Variants in CLCN7 observed in about 807,000 individuals in gnomAD.
CLCN7 encodes the protein H(+)/Cl(-) exchange transporter 7.
A neutral mutation model predicts 102.1 loss-of-function variants in CLCN7; 60 were observed. That is an observed-to-expected ratio of 0.59 (90% CI 0.48 to 0.73). The LOEUF (loss-of-function observed/expected upper bound fraction) is 0.73. Among genes scored for constraint, CLCN7 ranks in the 30% least tolerant of loss-of-function variants. CLCN7 has a pLI of 0.00. For missense variants in CLCN7, 962 were observed against 1,125.7 expected (o/e 0.85, Z 2.08); for synonymous variants, 560 against 490.5 (o/e 1.14, Z -1.87).
chr16:1,474,011 G>A, intron 1 of CLCN7: 2 of 391,228 alleles, frequency 5.1e-6, no homozygotes, highest in Non-Finnish European at 5.1e-6. Context: ...TTAAACTCGG[G>A]AGGTGGGGGT....
intron 2 of CLCN7, among the ~76,000 whole-genome samples, chr16:1,463,206 G>C (rs776256525): frequency 3.3e-5 from 5 of 152,130 alleles, no homozygotes; most frequent in African/African-American, 1.2e-4. Context: ...ACTCAAAAGG[G>C]ATGAAAGACC....
intron 1 of CLCN7, chr16:1,466,926 A>C (rs1488968782): frequency 1.8e-5 from 1 of 54,210 alleles, no homozygotes. Context: ...TCTGTCTCAA[A>C]AAAAAAAAAA....
chr16:1,455,850 C>A, intron 10 of CLCN7, 55 bp from the exon 11 acceptor site: 1 of 1,570,176 alleles, frequency 6.4e-7, no homozygotes, highest in Non-Finnish European at 8.7e-7. Context: ...ACCATGCCCA[C>A]CACCAACTCC....
rs973860448 is a variant in CLCN7 at position 1,449,614 on chromosome 16, C to T, written c.1618-287G>A. The T allele has an allele frequency of 5.4e-5, 28 of 516,192 alleles. 1 individual carries two copies. The highest frequency in any genetic ancestry group is 2.9e-4 in the South Asian group (14 of 48,248). 32.0% of individuals were successfully genotyped at this position (516,192 alleles called of 1,614,324 possible). A position where few individuals can be genotyped will look rare whatever the true frequency, so the allele number is the denominator to read the frequency against. On this transcript the variant is annotated intron_variant, in intron 17 of 24. Transcript: ENST00000382745. ...GCAGCCCAGGCCAACTAGGGAGCACCGTCCAGCATGAGGAGTGAAACCCCG... is the reference window on the plus strand; with the variant it reads ...GCAGCCCAGGCCAACTAGGGAGCACTGTCCAGCATGAGGAGTGAAACCCCG...
At chr16:1,468,949 C>T (rs1034586843) in intron 1 of CLCN7, among the ~76,000 whole-genome samples, 14 of 151,242 alleles carry the variant, frequency 9.3e-5, no homozygotes, top group African/African-American at 3.4e-4. Context: ...CCAGCGCTTT[C>T]GGAGGCCAAG....
intron 11 of CLCN7, 45 bp from the exon 12 acceptor site, chr16:1,455,295 C>A (rs749183291): frequency 8.2e-7 from 1 of 1,223,798 alleles, no homozygotes; most frequent in East Asian, 2.3e-5. Flanking sequence ...GCCACGCTCC[C>A]AGCCCAGGGC....
chr16:1,465,449 A>C, intron 1 of CLCN7, 111 bp from the exon 2 acceptor site: 16 of 980,472 alleles, frequency 1.6e-5, no homozygotes, highest in South Asian at 2.8e-5. Context: ...CCGGGAGCTC[A>C]GGAATGGGCT....
intron 21 of CLCN7, among the ~76,000 whole-genome samples, chr16:1,448,041 T>A (rs964012470): frequency 6.6e-6 from 1 of 152,160 alleles, no homozygotes; most frequent in Non-Finnish European, 1.5e-5. Flanking sequence ...AGTGTCCACG[T>A]CTAAAAGACA....
intron 1 of CLCN7, among the ~76,000 whole-genome samples, chr16:1,468,833 G>A (rs986013974): frequency 8.5e-5 from 13 of 152,142 alleles, no homozygotes; most frequent in African/African-American, 7.2e-5. Flanking sequence ...GGGGAAACTC[G>A]GTGAAGGGTA....
At chr16:1,459,574 G>A (rs55929194) in intron 6 of CLCN7, among the ~76,000 whole-genome samples, 2,457 of 53,102 alleles carry the variant, frequency 0.046, 314 homozygotes, top group Admixed American at 0.1. Flanking sequence ...CACACATGTC[G>A]GGGCCTCAGG....
Position 1,457,859 on chromosome 16 carries a change from G to A in CLCN7, c.676-103C>T, listed in dbSNP as rs1235118388. 3 of 1,177,160 alleles carry A rather than the reference G, an allele frequency of 2.5e-6. No individual in the cohort carries two copies. The highest frequency in any genetic ancestry group is 2.5e-6 in the Non-Finnish European group (2 of 798,476). The allele number at this position is 1,177,160 out of a possible 1,614,324, so 72.9% of individuals were successfully genotyped here. On this transcript the variant is annotated intron_variant, in intron 7 of 24. Coordinates refer to ENST00000382745, the MANE Select transcript of CLCN7 (RefSeq NM_001287.6). This position sits in a 1 kb window ranked among gnomAD's most constrained non-coding sequence, Gnocchi z 5.4. ...ACAGCCCCGATCAGGCAGAGTGGCT[G>A]GGACACGGGGCCTCCGGGAGGGGGC... is the stretch of plus-strand genomic sequence containing the variant.
chr16:1,452,947 G>A (rs748914037), intron 14 of CLCN7, 54 bp from the exon 15 acceptor site: 123 of 1,550,050 alleles, frequency 7.9e-5, no homozygotes, highest in Middle Eastern at 1.7e-4. Flanking sequence ...CGGCCCCTCC[G>A]CAGGCCCCAT....
chr16:1,461,065 G>A lies in CLCN7; in HGVS notation c.352-117C>T, dbSNP rs908620617. 1.4e-5 allele frequency: 19 copies of A among 1,315,566 alleles called. No homozygotes were observed. In the South Asian group the frequency reaches 1.6e-4, roughly 11 times the overall value. The allele number at this position is 1,315,566 out of a possible 1,614,324, so 81.5% of individuals were successfully genotyped here. ...GGATTATGAAGGGCCCAGTGTGCAC[G>A]GTGCGCTGAGTCCCACAAAGGACAG... On this transcript the variant is annotated intron_variant, in intron 4 of 24. Transcript: ENST00000382745.
At position 1,457,479 on chromosome 16, in the gene CLCN7, C is replaced by T. The variant is rs532743298; in HGVS notation, c.739-142G>A. 28 of 580,454 alleles carry T rather than the reference C, an allele frequency of 4.8e-5. No homozygotes were observed. Among genetic ancestry groups the T allele is most frequent in the South Asian group, 1.6e-4 (9 of 55,302 alleles). 36.0% of individuals were successfully genotyped at this position (580,454 alleles called of 1,614,324 possible). A position where few individuals can be genotyped will look rare whatever the true frequency, so the allele number is the denominator to read the frequency against. Reference sequence around the variant, plus strand: ...CCGATGCTCAGAGACACGCGTGACGCGGCCCTTCCTGGAGACCAGAAGGAC... The same window carrying T: ...CCGATGCTCAGAGACACGCGTGACGTGGCCCTTCCTGGAGACCAGAAGGAC... On this transcript the variant is annotated intron_variant, in intron 8 of 24. Coordinates refer to ENST00000382745, the MANE Select transcript of CLCN7 (RefSeq NM_001287.6). The surrounding 1 kb of genome is among the most constrained non-coding windows in gnomAD (Gnocchi z 5.4).
In CLCN7 at chr16:1,446,467, G is replaced by C. The variant is rs920897845; in HGVS notation, c.*164C>G. The stretch of plus-strand genomic sequence containing the variant: ...CTGCCCACAACAGGGTCAGTCCCGC[G>C]AGAGGGTCAGTTCCGCGCCTGCCGC... On this transcript the variant is annotated 3_prime_UTR_variant, in exon 25 of 25. Coordinates refer to ENST00000382745, the MANE Select transcript of CLCN7 (RefSeq NM_001287.6). 1.4e-6 allele frequency: 1 copy of C among 723,828 alleles called. No homozygotes were observed. Among genetic ancestry groups the C allele is most frequent in the Non-Finnish European group, 2.5e-6 (1 of 403,990 alleles). 44.8% of individuals were successfully genotyped at this position (723,828 alleles called of 1,614,324 possible).
chr16:1,455,762 G>T lies in CLCN7; in HGVS notation c.950C>A (p.Ser317Tyr). Residue 317 changes from serine (S) to tyrosine (Y), a missense_variant, in exon 11 of 25, where the codon TCC becomes TAC. This residue lies in a region of CLCN7 where 799 missense variants were observed against 988.0 expected (regional missense o/e 0.81). Transcript: ENST00000382745. The part of the protein sequence containing the change: ...GVLFSLEEGA[S>Y]FWNQFLTWRI... ...CCAGGTCAGGAACTGGTTCCAGAAGGACGCACCCTCCTCCAAGCTGAACAG... is the reference window on the plus strand; with the variant it reads ...CCAGGTCAGGAACTGGTTCCAGAAGTACGCACCCTCCTCCAAGCTGAACAG... The T allele has an allele frequency of 1.2e-6, 2 of 1,613,800 alleles. No individual in the cohort carries two copies. The highest frequency in any genetic ancestry group is 1.7e-6 in the Non-Finnish European group (2 of 1,180,020).
At chr16:1,463,857 C>T (rs929415819) in intron 2 of CLCN7, among the ~76,000 whole-genome samples, 1 of 152,092 alleles carries the variant, frequency 6.6e-6, no homozygotes, top group Non-Finnish European at 1.5e-5. Context: ...TCACTGAAAC[C>T]TCCACCTCCT....
intron 1 of CLCN7, among the ~76,000 whole-genome samples, chr16:1,469,239 C>G (rs1365052396): frequency 6.6e-6 from 1 of 151,800 alleles, no homozygotes; most frequent in Non-Finnish European, 1.5e-5. Context: ...AAATAAAAGT[C>G]AAAATAATGT....
At position 1,454,402 on chromosome 16, in the gene CLCN7, A is replaced by C; in HGVS notation, c.1153+9T>G. 6.2e-7 allele frequency: 1 copy of C among 1,613,144 alleles called. No individual in the cohort carries two copies. Among genetic ancestry groups the C allele is most frequent in the Non-Finnish European group, 8.5e-7 (1 of 1,179,730 alleles). On this transcript the variant is annotated intron_variant, in intron 13 of 24. Transcript: ENST00000382745. ...AGGCCGTCCCTGCGGTGCTGGGAGA[A>C]GCCCTTACCCACCACGCCCATGGCG...
Sources: gnomAD v4.1 joint callset for allele counts (sites outside exome capture counted in the v4.1 genomes callset) on GRCh38, gnomAD v4.1.1 for gene constraint, gnomAD v4.1.1 regional missense constraint, Gnocchi (gnomAD v3.1) non-coding constraint, MANE v1.5 for transcripts, NCBI Gene and HGNC (gene_info 2026-07-23, HGNC 2026-07-21) for gene names.